CNKSR3: variants seen among roughly 807,000 people sequenced by gnomAD.
CNKSR3 encodes CNKSR family member 3.
A neutral mutation model predicts 67.7 loss-of-function variants in CNKSR3; 36 were observed. The observed-to-expected ratio is 0.53, with a 90% CI of 0.41 to 0.70. The LOEUF is 0.70. Among genes scored for constraint, CNKSR3 ranks in the 30% least tolerant of loss-of-function variants. The pLI, the probability that CNKSR3 is intolerant of heterozygous loss-of-function variation, is 0.00. For synonymous variants in CNKSR3, 281 were observed against 271.4 expected (o/e 1.04, Z -0.35); for missense variants, 630 against 695.2 (o/e 0.91, Z 1.05).
intron 1 of CNKSR3, among the ~76,000 whole-genome samples, chr6:154,509,309 C>G (rs1035060791): frequency 2.7e-5 from 4 of 146,866 alleles, no homozygotes; most frequent in South Asian, 2.3e-4. Context: ...CCCCCACCAC[C>G]CCCCCACCGC....
intron 12 of CNKSR3, among the ~76,000 whole-genome samples, chr6:154,407,882 A>AAAAC (rs1784832635): frequency 1.3e-5 from 2 of 150,936 alleles, no homozygotes; most frequent in Non-Finnish European, 3.0e-5. Context: ...GAAAAAAAAA[A>AAAAC]AAAAAAAAAA....
chr6:154,431,579 T>C (rs1785370054), intron 5 of CNKSR3, among the ~76,000 whole-genome samples: 1 of 152,134 alleles, frequency 6.6e-6, no homozygotes, highest in Non-Finnish European at 1.5e-5. Context: ...AAATGCCTAA[T>C]GTCACGTATC....
intron 10 of CNKSR3, among the ~76,000 whole-genome samples, chr6:154,412,850 T>G (rs1784937140): frequency 1.3e-5 from 2 of 152,168 alleles, no homozygotes; most frequent in Non-Finnish European, 2.9e-5. Context: ...AATCATATAT[T>G]TCTCAATATA....
At chr6:154,418,992 T>A (rs188320083) in intron 9 of CNKSR3, among the ~76,000 whole-genome samples, 85 of 147,556 alleles carry the variant, frequency 5.8e-4, no homozygotes, top group African/African-American at 2.0e-3. Flanking sequence ...AACCTGATTT[T>A]AAAAATGGGT....
chr6:154,492,517 CG>C (rs1786800547), intron 1 of CNKSR3, among the ~76,000 whole-genome samples: 1 of 152,020 alleles, frequency 6.6e-6, no homozygotes, highest in African/African-American at 2.4e-5. Flanking sequence ...CTGAGATGGG[CG>C]GATCACTTGA....
At chr6:154,432,925 C>T (rs1273789122) in intron 5 of CNKSR3, among the ~76,000 whole-genome samples, 4 of 152,188 alleles carry the variant, frequency 2.6e-5, no homozygotes, top group Non-Finnish European at 5.9e-5. Context: ...ATTTGTTTGG[C>T]CTCCCTATTT....
chr6:154,504,837 T>A (rs1032558736), intron 1 of CNKSR3, among the ~76,000 whole-genome samples: 9 of 151,648 alleles, frequency 5.9e-5, no homozygotes, highest in Admixed American at 5.2e-4. Flanking sequence ...TGAGACCCCA[T>A]CTCTGTATTA....
Position 154,414,296 on chromosome 6 carries a change from T to C in CNKSR3, c.1070+3A>G, listed in dbSNP as rs1784968258. ...CATACCATGACAATGGACAGCAACA[T>C]ACCGGGGAGAGTAGGGAACAGCAGG... On this transcript the variant is annotated splice_donor_region_variant and intron_variant, in intron 10 of 12. Transcript: ENST00000607772. 1.3e-6 allele frequency: 2 copies of C among 1,586,752 alleles called. No homozygotes were observed. Among genetic ancestry groups the C allele is most frequent in the South Asian group, 1.2e-5 (1 of 85,194 alleles).
rs942193695 is a variant in CNKSR3 at position 154,394,938 on chromosome 6, A to C, written c.*11416T>G. 1 of 152,216 alleles carries C rather than the reference A, an allele frequency of 6.6e-6. No homozygotes were observed. Among genetic ancestry groups the C allele is most frequent in the African/African-American group, 2.4e-5 (1 of 41,442 alleles). 9.4% of individuals were successfully genotyped at this position (152,216 alleles called of 1,614,324 possible). A position where few individuals can be genotyped will look rare whatever the true frequency, so the allele number is the denominator to read the frequency against. On this transcript the variant is annotated 3_prime_UTR_variant, in exon 13 of 13. Transcript: ENST00000607772. ...ACATTTTCTTTCGTCACAGGAACTA[A>C]AGGAAAGAGATGGTCTGAGCACAGA...
At chr6:154,474,657 G>A (rs77962605) in intron 1 of CNKSR3, among the ~76,000 whole-genome samples, 1 of 152,174 alleles carries the variant, frequency 6.6e-6, no homozygotes, top group Non-Finnish European at 1.5e-5. Context: ...TCCGGATGTG[G>A]GGTGGTGTGC....
chr6:154,453,394 A>G (rs1198773130), intron 1 of CNKSR3, among the ~76,000 whole-genome samples: 1 of 152,188 alleles, frequency 6.6e-6, no homozygotes, highest in Non-Finnish European at 1.5e-5. Context: ...ATGATTAGAG[A>G]TTGAGAATTG....
At chr6:154,464,119 T>C (rs1374209143) in intron 1 of CNKSR3, among the ~76,000 whole-genome samples, 1 of 152,224 alleles carries the variant, frequency 6.6e-6, no homozygotes, top group Non-Finnish European at 1.5e-5. Context: ...AGCACTGTTA[T>C]ACTTCTTGGT....
At chr6:154,474,985 C>A (rs1454828883) in intron 1 of CNKSR3, among the ~76,000 whole-genome samples, 1 of 152,188 alleles carries the variant, frequency 6.6e-6, no homozygotes, top group African/African-American at 2.4e-5. Flanking sequence ...CCAAGGAAAT[C>A]ACCATTTACT....
intron 1 of CNKSR3, among the ~76,000 whole-genome samples, chr6:154,484,766 C>T (rs1182914421): frequency 6.6e-6 from 1 of 151,884 alleles, no homozygotes; most frequent in Non-Finnish European, 1.5e-5. Context: ...ATCCCCTTCC[C>T]CCTCCCCCAA....
intron 4 of CNKSR3, chr6:154,433,715 C>T (rs1338822164): frequency 3.9e-6 from 2 of 507,804 alleles, no homozygotes; most frequent in Non-Finnish European, 7.1e-6. Flanking sequence ...TCCTGCTCTC[C>T]CCTGACCTAA....
intron 1 of CNKSR3, among the ~76,000 whole-genome samples, chr6:154,477,378 T>G (rs1279930041): frequency 6.6e-6 from 1 of 152,120 alleles, no homozygotes; most frequent in Non-Finnish European, 1.5e-5. Flanking sequence ...TGGTACAATC[T>G]CGGCTCACTG....
At chr6:154,425,556 G>T (rs1785238008) in intron 7 of CNKSR3, among the ~76,000 whole-genome samples, 1 of 152,172 alleles carries the variant, frequency 6.6e-6, no homozygotes, top group African/African-American at 2.4e-5. Context: ...TTCTTCAGAG[G>T]CTAATCTAAC....
chr6:154,418,204 C>G (rs879525276), intron 9 of CNKSR3, among the ~76,000 whole-genome samples: 1 of 152,196 alleles, frequency 6.6e-6, no homozygotes, highest in Non-Finnish European at 1.5e-5. Context: ...TGTGGCTCCA[C>G]CAGGATGCTT....
At position 154,388,837 on chromosome 6, in the gene CNKSR3, T is replaced by C. The variant is rs1432626110; in HGVS notation, c.*17517A>G. 1 of 152,186 alleles carries C rather than the reference T, an allele frequency of 6.6e-6. No homozygotes were observed. The highest frequency in any genetic ancestry group is 1.5e-5 in the Non-Finnish European group (1 of 68,044). The allele number at this position is 152,186 out of a possible 1,614,324, so 9.4% of individuals were successfully genotyped here. ...TTGATGAGAATTTGCCCATGAGAGG[T>C]TAATATCCCTATACTCTCGCAATGT... On this transcript the variant is annotated 3_prime_UTR_variant, in exon 13 of 13. Transcript: ENST00000607772.
Sources: gnomAD v4.1 joint callset for allele counts (sites outside exome capture counted in the v4.1 genomes callset) on GRCh38, gnomAD v4.1.1 for gene constraint, MANE v1.5 for transcripts, NCBI Gene and HGNC (gene_info 2026-07-23, HGNC 2026-07-21) for gene names.